The following STPG2 variants were observed in gnomAD, a reference collection of about 807,000 sequenced individuals.
The protein encoded by STPG2 is sperm tail PG-rich repeat containing 2.
Under a neutral mutation model 54.2 loss-of-function variants are expected in STPG2, and 56 were observed. The observed-to-expected ratio is 1.03, with a 90% CI of 0.83 to 1.29. STPG2 has a LOEUF of 1.29. Ranked by LOEUF, STPG2 falls within the 50% of genes most tolerant of loss-of-function variation. The probability of loss-of-function intolerance (pLI) is 0.00; values close to 1 mark genes in which losing one functional copy is unlikely to be tolerated. For synonymous variants in STPG2, 200 were observed against 181.8 expected (o/e 1.10, Z -0.81); for missense variants, 596 against 544.9 (o/e 1.09, Z -0.93).
At chr4:98,043,963 C>T (rs1302145640) in intron 5 of STPG2, among the ~76,000 whole-genome samples, 1 of 151,922 alleles carries the variant, frequency 6.6e-6, no homozygotes, top group African/African-American at 2.4e-5. Context: ...CTGTTGTTCC[C>T]TTCTTTGTGT....
intron 4 of STPG2, among the ~76,000 whole-genome samples, chr4:97,526,569 T>C (rs1731284710): frequency 6.6e-6 from 1 of 152,142 alleles, no homozygotes; most frequent in Non-Finnish European, 1.5e-5. Context: ...AGATTCTGGA[T>C]ATCAGCCCTT....
At chr4:97,909,896 G>A (rs934311835) in intron 8 of STPG2, among the ~76,000 whole-genome samples, 1 of 152,094 alleles carries the variant, frequency 6.6e-6, no homozygotes, top group Non-Finnish European at 1.5e-5. Flanking sequence ...ACTTGCACCA[G>A]TTTTATCCAG....
At chr4:97,600,674 GAC>G (rs1733434191) in intron 10 of STPG2, among the ~76,000 whole-genome samples, 1 of 151,996 alleles carries the variant, frequency 6.6e-6, no homozygotes, top group African/African-American at 2.4e-5. Context: ...GTCACACACA[GAC>G]ACACACATAC....
At chr4:97,849,162 C>T (rs1729067454) in intron 8 of STPG2, among the ~76,000 whole-genome samples, 1 of 148,508 alleles carries the variant, frequency 6.7e-6, no homozygotes, top group Non-Finnish European at 1.5e-5. Flanking sequence ...TGTTTGTATC[C>T]TCTTTTATTT....
intron 9 of STPG2, among the ~76,000 whole-genome samples, chr4:97,790,239 C>T (rs1578566011): frequency 6.6e-6 from 1 of 152,080 alleles, no homozygotes; most frequent in Non-Finnish European, 1.5e-5. Context: ...ATTTACTTTG[C>T]ATGATGAGAT....
chr4:97,972,158 T>C (rs1734349657), intron 7 of STPG2, 122 bp downstream of exon 7: 1 of 595,758 alleles, frequency 1.7e-6, no homozygotes, highest in East Asian at 3.2e-5. Flanking sequence ...CCTTAACATA[T>C]GGAACATGGT....
rs147040909 is a variant in STPG2, at chr4:97,860,086, G to A, written c.1045-19154C>T. ...TCTCTATTCTGTTCCATTGGTCTACGTGCCAATTTGTACACCAGTAGCATG... is the reference window on the plus strand; with the variant it reads ...TCTCTATTCTGTTCCATTGGTCTACATGCCAATTTGTACACCAGTAGCATG... On this transcript the variant is annotated intron_variant, in intron 8 of 10. Transcript: ENST00000295268. Among the ~76,000 whole-genome samples, 394 of 152,224 alleles carry A rather than the reference G, an allele frequency of 2.6e-3. 2 individuals carry two copies. Among genetic ancestry groups the A allele is most frequent in the African/African-American group, 8.6e-3 (358 of 41,538 alleles).
At chr4:97,906,492 G>C (rs1475285319) in intron 8 of STPG2, among the ~76,000 whole-genome samples, 1 of 152,204 alleles carries the variant, frequency 6.6e-6, no homozygotes, top group Admixed American at 6.5e-5. Flanking sequence ...TAGAAAAAGA[G>C]AGAATCCTCC....
chr4:97,693,819 T>C (rs1723461910), intron 10 of STPG2, among the ~76,000 whole-genome samples: 1 of 152,148 alleles, frequency 6.6e-6, no homozygotes, highest in Non-Finnish European at 1.5e-5. Flanking sequence ...AAGTACTCTC[T>C]CAGACAACAG....
At chr4:97,892,852 G>A (rs1730824564) in intron 8 of STPG2, among the ~76,000 whole-genome samples, 1 of 152,074 alleles carries the variant, frequency 6.6e-6, no homozygotes, top group African/African-American at 2.4e-5. Context: ...CTGCCTCTCA[G>A]AGTGTACTTT....
chr4:97,813,769 T>G (rs970325456), intron 9 of STPG2, among the ~76,000 whole-genome samples: 2 of 147,726 alleles, frequency 1.4e-5, no homozygotes, highest in Non-Finnish European at 3.0e-5. Flanking sequence ...TTTTAAAATA[T>G]ATTTAATATA....
chr4:97,512,314 A>G (rs1730990165), intron 4 of STPG2, among the ~76,000 whole-genome samples: 1 of 152,152 alleles, frequency 6.6e-6, no homozygotes, highest in Admixed American at 6.6e-5. Context: ...TCAATAACTA[A>G]GATAGGAAAG....
intron 10 of STPG2, among the ~76,000 whole-genome samples, chr4:97,638,183 A>G (rs1182756659): frequency 6.6e-6 from 1 of 152,296 alleles, no homozygotes; most frequent in African/African-American, 2.4e-5. Flanking sequence ...CCTCAGAAAT[A>G]ACACTGCATA....
At chr4:97,835,838 G>A (rs987255913) in intron 9 of STPG2, among the ~76,000 whole-genome samples, 1 of 152,052 alleles carries the variant, frequency 6.6e-6, no homozygotes, top group African/African-American at 2.4e-5. Context: ...CATGAATTGA[G>A]GGGTTCAAGA....
chr4:97,615,151 C>T (rs959037584), intron 10 of STPG2, among the ~76,000 whole-genome samples: 3 of 152,114 alleles, frequency 2.0e-5, no homozygotes, highest in African/African-American at 7.2e-5. Context: ...TTTGTTCTTG[C>T]TTCAATTTTA....
At chr4:97,588,903 A>G (rs1481907890) in intron 10 of STPG2, among the ~76,000 whole-genome samples, 1 of 152,104 alleles carries the variant, frequency 6.6e-6, no homozygotes, top group Non-Finnish European at 1.5e-5. Context: ...TTAGCATTTA[A>G]TTTGTATAGT....
intron 9 of STPG2, among the ~76,000 whole-genome samples, chr4:97,784,951 A>G (rs1726779382): frequency 6.6e-6 from 1 of 152,022 alleles, no homozygotes; most frequent in Non-Finnish European, 1.5e-5. Context: ...TCAAAGAACC[A>G]CCAACTATAA....
intron 8 of STPG2, among the ~76,000 whole-genome samples, chr4:97,860,323 G>A (rs891997436): frequency 6.6e-6 from 1 of 151,892 alleles, no homozygotes; most frequent in African/African-American, 2.4e-5. Context: ...TGAGAAGTAT[G>A]GTCATTTTCG....
chr4:98,001,302 G>A (rs1275525408), intron 5 of STPG2, among the ~76,000 whole-genome samples: 13 of 151,528 alleles, frequency 8.6e-5, no homozygotes, highest in Non-Finnish European at 1.3e-4. Context: ...TAGGTTTCCT[G>A]TAATTACTAT....
Sources: allele counts gnomAD v4.1 joint callset (sites outside exome capture counted in the v4.1 genomes callset), GRCh38; gene constraint gnomAD v4.1.1; transcripts MANE v1.5; gene names NCBI Gene and HGNC (gene_info 2026-07-23, HGNC 2026-07-21).